Variants in C1orf159 observed in about 807,000 individuals in gnomAD.
The protein encoded by C1orf159 is uncharacterized protein C1orf159.
In C1orf159, 19 loss-of-function variants were observed where a neutral mutation model predicts 25.6. That is an observed-to-expected ratio of 0.74 (90% CI 0.52 to 1.09). The LOEUF is 1.09. C1orf159 is among the 50% of genes least tolerant of loss of function. The probability of loss-of-function intolerance (pLI) is 0.00; values close to 1 mark genes in which losing one functional copy is unlikely to be tolerated. For missense variants in C1orf159, 274 were observed against 290.6 expected (o/e 0.94, Z 0.42); for synonymous variants, 139 against 124.7 (o/e 1.12, Z -0.77).
chr1:1,086,535 A>G (rs1229732546), intron 6 of C1orf159, among the ~76,000 whole-genome samples: 3 of 152,170 alleles, frequency 2.0e-5, no homozygotes, highest in African/African-American at 7.2e-5. Flanking sequence ...GTGTGCTCTG[A>G]GATGCTGGGG....
intron 1 of C1orf159, among the ~76,000 whole-genome samples, chr1:1,093,454 A>G (rs1203876839): frequency 6.6e-6 from 1 of 152,218 alleles, no homozygotes; most frequent in African/African-American, 2.4e-5. Flanking sequence ...TGAAGCTGCC[A>G]CCACAGCCAG....
intron 1 of C1orf159, among the ~76,000 whole-genome samples, chr1:1,105,743 G>A (rs949670626): frequency 2.0e-4 from 31 of 151,866 alleles, no homozygotes; most frequent in Non-Finnish European, 2.9e-4. Context: ...TTAGCTGGGC[G>A]GGCGCCTGTA....
Position 1,087,106 on chromosome 1 carries a change from C to G in C1orf159, c.310+33G>C. 6.3e-7 allele frequency: 1 copy of G among 1,593,460 alleles called. No individual in the cohort carries two copies. Among genetic ancestry groups the G allele is most frequent in the African/African-American group, 1.3e-5 (1 of 74,778 alleles). On this transcript the variant is annotated intron_variant, in intron 6 of 9. Transcript: ENST00000421241. The surrounding 1 kb of genome is among the most constrained non-coding windows in gnomAD (Gnocchi z 8.3). The stretch of plus-strand genomic sequence containing the variant: ...CGACGGCCCCCAGCCCCCAGGACAC[C>G]GGCAGAGGTGGCTGTGGCCTGCTGA...
At chr1:1,092,175 G>T in intron 1 of C1orf159, 72 bp from the exon 2 acceptor site, 1 of 348,992 alleles carries the variant, frequency 2.9e-6, no homozygotes, top group Non-Finnish European at 5.7e-6. Flanking sequence ...CCTACGGTGC[G>T]GGGTCTGGGT....
chr1:1,108,805 C>T (rs867809088), intron 1 of C1orf159, among the ~76,000 whole-genome samples: 1 of 104,670 alleles, frequency 9.6e-6, no homozygotes, highest in Non-Finnish European at 1.8e-5. Flanking sequence ...ACCACAGCCA[C>T]CATGTCTGCA....
intron 1 of C1orf159, among the ~76,000 whole-genome samples, chr1:1,094,935 A>G (rs58394566): frequency 0.02 from 2,990 of 152,326 alleles, 99 homozygotes; most frequent in African/African-American, 0.068. Context: ...AATGCAGGTC[A>G]AGCGTCATTT....
In C1orf159 at chr1:1,087,071, G is replaced by C; in HGVS notation, c.310+68C>G. The C allele has an allele frequency of 6.8e-7, 1 of 1,468,800 alleles. No homozygotes were observed. The highest frequency in any genetic ancestry group is 9.3e-7 in the Non-Finnish European group (1 of 1,071,724). 91.0% of individuals were successfully genotyped at this position (1,468,800 alleles called of 1,614,324 possible). On this transcript the variant is annotated intron_variant, in intron 6 of 9. Transcript: ENST00000421241. The surrounding 1 kb of genome is among the most constrained non-coding windows in gnomAD (Gnocchi z 8.3). ...GTGGCTGCGTCAAGGGTGAGGGTCT[G>C]CACTGGCTCCGACGGCCCCCAGCCC...
chr1:1,083,302 G>A, intron 9 of C1orf159: 2 of 335,780 alleles, frequency 6.0e-6, no homozygotes, highest in African/African-American at 2.1e-5. Context: ...ACCTCAGGGG[G>A]CGACAAGCAG....
At chr1:1,085,111 C>A in intron 7 of C1orf159, 1 of 269,472 alleles carries the variant, frequency 3.7e-6, no homozygotes, top group Non-Finnish European at 7.8e-6. Flanking sequence ...TGGCAGCGGG[C>A]TCCCGACTGG....
intron 1 of C1orf159, among the ~76,000 whole-genome samples, chr1:1,105,751 G>A (rs1646162337): frequency 6.6e-6 from 1 of 152,068 alleles, no homozygotes; most frequent in Non-Finnish European, 1.5e-5. Flanking sequence ...GCGGGCGCCT[G>A]TAGTCCCAGC....
intron 1 of C1orf159, among the ~76,000 whole-genome samples, chr1:1,099,453 G>A: frequency 6.7e-6 from 1 of 148,888 alleles, no homozygotes; most frequent in African/African-American, 2.5e-5. Context: ...TGATGTTTTT[G>A]GTCGATTGTT....
At position 1,110,118 on chromosome 1, in the gene C1orf159, T is replaced by C. The variant is rs1646237353; in HGVS notation, c.-136+5942A>G. Among the ~76,000 whole-genome samples the C allele has an allele frequency of 6.6e-6, 1 of 152,238 alleles. No individual in the cohort carries two copies. The highest frequency in any genetic ancestry group is 1.5e-5 in the Non-Finnish European group (1 of 68,034). On this transcript the variant is annotated intron_variant, in intron 1 of 9. Transcript: ENST00000421241. The surrounding 1 kb of genome is among the most constrained non-coding windows in gnomAD (Gnocchi z 4.8). ...GGCCTGGCACGGCCTTAGGTCCTGA[T>C]TATAACTCGGCGTCTTATTGCCGCA...
intron 1 of C1orf159, among the ~76,000 whole-genome samples, chr1:1,099,648 TCTGA>T (rs1255397168): frequency 5.3e-5 from 8 of 151,994 alleles, no homozygotes; most frequent in Non-Finnish European, 1.5e-5. Flanking sequence ...GGTTAAAATC[TCTGA>T]CTATGATTGT....
At chr1:1,112,824 G>A (rs147642723) in intron 1 of C1orf159, among the ~76,000 whole-genome samples, 99 of 152,368 alleles carry the variant, frequency 6.5e-4, no homozygotes, top group African/African-American at 2.3e-3. Flanking sequence ...CACATCGCCC[G>A]TCTGGCCCTC....
At chr1:1,106,326 C>T (rs1261194575) in intron 1 of C1orf159, among the ~76,000 whole-genome samples, 1 of 152,234 alleles carries the variant, frequency 6.6e-6, no homozygotes, top group Non-Finnish European at 1.5e-5. Context: ...AAATACTCCA[C>T]ACCCATTAGA....
chr1:1,084,030 C>A, intron 9 of C1orf159: 1 of 1,607,256 alleles, frequency 6.2e-7, no homozygotes. Flanking sequence ...CAAGGAGGAG[C>A]AGGTATTGGG....
intron 1 of C1orf159, among the ~76,000 whole-genome samples, chr1:1,115,646 C>A (rs1353423360): frequency 3.8e-5 from 4 of 105,560 alleles, no homozygotes; most frequent in African/African-American, 1.4e-4. Flanking sequence ...CCCTCCCCTC[C>A]CCAGGGACCC....
rs1052016541 is a variant in C1orf159 at position 1,082,860 on chromosome 1, C to T, written c.*33G>A. 1.4e-5 allele frequency: 21 copies of T among 1,545,988 alleles called. No individual in the cohort carries two copies. Among genetic ancestry groups the T allele is most frequent in the African/African-American group, 6.8e-5 (5 of 73,230 alleles). On this transcript the variant is annotated 3_prime_UTR_variant, in exon 10 of 10. Transcript: ENST00000421241. Reference sequence around the variant, plus strand: ...AAGGGGTCGGCCTCCGGGTCCCTGCCGCCAAGTGCGTGGCGTGGTCTCGGC... The same window carrying T: ...AAGGGGTCGGCCTCCGGGTCCCTGCTGCCAAGTGCGTGGCGTGGTCTCGGC...
chr1:1,095,486 T>C (rs548921121), intron 1 of C1orf159, among the ~76,000 whole-genome samples: 3 of 152,390 alleles, frequency 2.0e-5, no homozygotes, highest in East Asian at 1.9e-4. Context: ...TTGCTGCTAC[T>C]ATATAACGAT....
Sources: gnomAD v4.1 joint callset for allele counts (sites outside exome capture counted in the v4.1 genomes callset) on GRCh38, gnomAD v4.1.1 for gene constraint, Gnocchi (gnomAD v3.1) non-coding constraint, MANE v1.5 for transcripts, NCBI Gene and HGNC (gene_info 2026-07-23, HGNC 2026-07-21) for gene names.